The following EXOC4 variants were observed in gnomAD, a reference collection of about 807,000 sequenced individuals.
EXOC4 encodes the protein SEC8-like 1.
Under a neutral mutation model 107.2 loss-of-function variants are expected in EXOC4, and 71 were observed. The ratio of observed to expected loss-of-function variants is 0.66; its 90% CI spans 0.55 to 0.81. The LOEUF is 0.81. Ranked by LOEUF, EXOC4 falls within the 30% of genes least tolerant of loss-of-function variation. The pLI is 0.00. For missense variants in EXOC4, 1,108 were observed against 1,189.6 expected, an observed-to-expected ratio of 0.93 and a Z score of 1.01; for synonymous variants, 456 against 441.2, an observed-to-expected ratio of 1.03 and a Z score of -0.42.
intron 12 of EXOC4, among the ~76,000 whole-genome samples, chr7:133,916,756 G>A (rs1221700987): frequency 6.6e-6 from 1 of 152,200 alleles, no homozygotes; most frequent in Non-Finnish European, 1.5e-5. Flanking sequence ...CAGAGGAGAA[G>A]CAGCTAATTG....
Position 134,042,966 on chromosome 7 carries a change from G to A in EXOC4, c.2688-21325G>A, listed in dbSNP as rs186678399. 1.3e-4 allele frequency among the ~76,000 whole-genome samples: 20 copies of A among 152,268 alleles called. No individual in the cohort carries two copies. In the East Asian group the frequency reaches 1.9e-3, roughly 15 times the overall value. On this transcript the variant is annotated intron_variant, in intron 17 of 17. Coordinates refer to ENST00000253861, the MANE Select transcript of EXOC4 (RefSeq NM_021807.4). Reference sequence around the variant, plus strand: ...TGAGGCAGGAGAATTGCTTGAGCCCGGGAGGTGGAGGTTGCAGTTAGCCGA... The same window carrying A: ...TGAGGCAGGAGAATTGCTTGAGCCCAGGAGGTGGAGGTTGCAGTTAGCCGA...
intron 10 of EXOC4, among the ~76,000 whole-genome samples, chr7:133,655,989 G>C (rs958183801): frequency 1.3e-5 from 2 of 152,116 alleles, no homozygotes; most frequent in Non-Finnish European, 2.9e-5. Context: ...CAATACATGA[G>C]TAATGCATTG....
intron 9 of EXOC4, among the ~76,000 whole-genome samples, chr7:133,495,811 G>A (rs1420812123): frequency 1.3e-5 from 2 of 151,964 alleles, no homozygotes; most frequent in East Asian, 1.9e-4. Flanking sequence ...CTAATTTCTC[G>A]TGGGAATATA....
rs1799018487 is a variant in EXOC4, at chr7:133,883,766, AG to A, written c.1735-11830del. 2.0e-5 allele frequency among the ~76,000 whole-genome samples: 3 copies of A among 152,190 alleles called. No homozygotes were observed. The South Asian group carries it at 6.2e-4, about 32-fold the overall frequency. ...TTTTCAAAAAGATTACTCTGCGTTCAGGGTGGAGGCTGATTTGGAAGAGAGC... is the reference window on the plus strand; with the variant it reads ...TTTTCAAAAAGATTACTCTGCGTTCAGGTGGAGGCTGATTTGGAAGAGAGC... On this transcript the variant is annotated intron_variant, in intron 11 of 17. Transcript: ENST00000253861.
intron 7 of EXOC4, among the ~76,000 whole-genome samples, chr7:133,406,919 ATGAACCTTATGC>A (rs1263572893): frequency 2.6e-5 from 4 of 152,222 alleles, no homozygotes; most frequent in African/African-American, 4.8e-5. Flanking sequence ...AGTGTGTGCC[ATGAACCTTATGC>A]TCTTTATTAG....
intron 1 of EXOC4, among the ~76,000 whole-genome samples, chr7:133,272,480 C>A (rs1793895129): frequency 6.6e-6 from 1 of 152,044 alleles, no homozygotes; most frequent in African/African-American, 2.4e-5. Flanking sequence ...ATTAAACATA[C>A]ATTCTATAAA....
At chr7:133,404,006 A>G (rs1444414526) in intron 7 of EXOC4, among the ~76,000 whole-genome samples, 1 of 152,092 alleles carries the variant, frequency 6.6e-6, no homozygotes, top group Admixed American at 6.6e-5. Flanking sequence ...GGCTCACCAT[A>G]CCATCCTATT....
At chr7:134,098,067 A>G in the EXOC4 span, among the ~76,000 whole-genome samples, 1 of 152,222 alleles carries the variant, frequency 6.6e-6, no homozygotes, top group Non-Finnish European at 1.5e-5. Flanking sequence ...ACATATCAAC[A>G]TAAAGTCTGA....
intron 9 of EXOC4, among the ~76,000 whole-genome samples, chr7:133,572,302 T>C (rs1455856589): frequency 6.6e-6 from 1 of 152,182 alleles, no homozygotes; most frequent in Non-Finnish European, 1.5e-5. Flanking sequence ...TGAAATGCTT[T>C]GTCAATTCCT....
chr7:134,012,212 C>G (rs773619684), intron 17 of EXOC4, among the ~76,000 whole-genome samples: 5 of 151,958 alleles, frequency 3.3e-5, no homozygotes, highest in Admixed American at 3.3e-4. Flanking sequence ...TCAGTCTGGC[C>G]GCGATGTTGA....
intron 10 of EXOC4, among the ~76,000 whole-genome samples, chr7:133,697,742 C>G (rs1332900693): frequency 6.6e-6 from 1 of 152,106 alleles, no homozygotes; most frequent in Non-Finnish European, 1.5e-5. Context: ...TGGAAAGTCC[C>G]TAAGTGGAAG....
intron 9 of EXOC4, among the ~76,000 whole-genome samples, chr7:133,503,802 A>T (rs775233208): frequency 7.2e-5 from 11 of 151,912 alleles, no homozygotes; most frequent in Non-Finnish European, 1.5e-4. Flanking sequence ...TTCTTAACCT[A>T]TGTGTGTTAT....
Position 134,020,903 on chromosome 7 carries a change from G to A in EXOC4, c.2687+13068G>A, listed in dbSNP as rs546988622. On this transcript the variant is annotated intron_variant, in intron 17 of 17. Transcript: ENST00000253861. ...TGGGAGGCTGAAGCAGGAGAATGGC[G>A]TGAACCCAGGAGGCAGAGCTTGCAG... Among the ~76,000 whole-genome samples the A allele has an allele frequency of 2.3e-4, 35 of 151,798 alleles. No individual in the cohort carries two copies. The Middle Eastern group carries it at 0.01, about 44-fold the overall frequency.
chr7:133,672,649 A>C (rs1294035151), intron 10 of EXOC4, among the ~76,000 whole-genome samples: 1 of 152,138 alleles, frequency 6.6e-6, no homozygotes, highest in Non-Finnish European at 1.5e-5. Flanking sequence ...AGAGGTTAGG[A>C]AAATGGAAAG....
chr7:133,686,991 TTTTGTGTGTGTGTGTG>T lies in EXOC4; in HGVS notation c.1514+56852_1514+56867del, dbSNP rs1264412582. 2.4e-3 allele frequency among the ~76,000 whole-genome samples: 350 copies of T among 144,632 alleles called. 5 individuals carry two copies. The highest frequency in any genetic ancestry group is 0.023 in the East Asian group (113 of 4,910). 94.9% of individuals were successfully genotyped at this position (144,632 alleles called of 152,430 possible). A position where few individuals can be genotyped will look rare whatever the true frequency, so the allele number is the denominator to read the frequency against. On this transcript the variant is annotated intron_variant, in intron 10 of 17. Coordinates refer to ENST00000253861, the MANE Select transcript of EXOC4 (RefSeq NM_021807.4). Reference sequence around the variant, plus strand: ...TATCAATCAATGAGGGGATAAAGAATTTTGTGTGTGTGTGTGTGTGTGTGTGTGTGTGTGTGTGTGT... The same window carrying T: ...TATCAATCAATGAGGGGATAAAGAATTGTGTGTGTGTGTGTGTGTGTGTGT...
intron 10 of EXOC4, among the ~76,000 whole-genome samples, chr7:133,704,650 G>T (rs1206359682): frequency 6.6e-6 from 1 of 152,214 alleles, no homozygotes; most frequent in East Asian, 1.9e-4. Context: ...TACACTTTGT[G>T]AGTGTGCTTT....
At chr7:133,707,273 A>G (rs1033208276) in intron 10 of EXOC4, among the ~76,000 whole-genome samples, 1 of 151,986 alleles carries the variant, frequency 6.6e-6, no homozygotes, top group Non-Finnish European at 1.5e-5. Flanking sequence ...AATCCCAGCT[A>G]CTCTGGAGGC....
intron 10 of EXOC4, among the ~76,000 whole-genome samples, chr7:133,703,873 A>G (rs994019347): frequency 1.3e-5 from 2 of 152,230 alleles, no homozygotes; most frequent in African/African-American, 4.8e-5. Flanking sequence ...TGGCAAATTC[A>G]TCAGTGAATT....
At chr7:133,929,583 A>G (rs1311944647) in intron 13 of EXOC4, among the ~76,000 whole-genome samples, 2 of 151,872 alleles carry the variant, frequency 1.3e-5, no homozygotes, top group Non-Finnish European at 2.9e-5. Context: ...TCCAGCTTTT[A>G]TTTTAGATTC....
Sources: allele counts gnomAD v4.1 joint callset (sites outside exome capture counted in the v4.1 genomes callset), GRCh38; gene constraint gnomAD v4.1.1; transcripts MANE v1.5; gene names NCBI Gene and HGNC (gene_info 2026-07-23, HGNC 2026-07-21).